Variants in CAMK1D observed in about 807,000 individuals in gnomAD.
CAMK1D encodes the protein calcium/calmodulin-dependent protein kinase type 1D.
A neutral mutation model predicts 47.7 loss-of-function variants in CAMK1D; 9 were observed. The observed-to-expected ratio is 0.19, with a 90% CI of 0.11 to 0.33. The LOEUF (loss-of-function observed/expected upper bound fraction) is 0.33, where lower values mean the gene tolerates loss of function less well. Among genes scored for constraint, CAMK1D ranks in the 10% least tolerant of loss-of-function variants. The pLI, the probability that CAMK1D is intolerant of heterozygous loss-of-function variation, is 1.00. For missense variants in CAMK1D, 291 were observed against 488.7 expected, an observed-to-expected ratio of 0.60 and a Z score of 3.81; for synonymous variants, 184 against 184.9, an observed-to-expected ratio of 0.99 and a Z score of 0.04.
chr10:12,525,820 T>C (rs1835603054), intron 1 of CAMK1D, among the ~76,000 whole-genome samples: 1 of 152,198 alleles, frequency 6.6e-6, no homozygotes, highest in South Asian at 2.1e-4. Context: ...TGTAGTGGCG[T>C]GATCTCCGCT....
chr10:12,481,219 A>C (rs1180885060), intron 1 of CAMK1D, among the ~76,000 whole-genome samples: 1 of 152,146 alleles, frequency 6.6e-6, no homozygotes, highest in Non-Finnish European at 1.5e-5. Flanking sequence ...GTTAGAACCC[A>C]AGATGGGCCT....
At chr10:12,355,336 T>C (rs968056788) in intron 1 of CAMK1D, among the ~76,000 whole-genome samples, 1 of 152,204 alleles carries the variant, frequency 6.6e-6, no homozygotes, top group African/African-American at 2.4e-5. Flanking sequence ...TCTCACACTA[T>C]GCTACTTATT....
chr10:12,825,777 C>A (rs780484511), intron 10 of CAMK1D, 87 bp downstream of exon 10: 2 of 1,593,074 alleles, frequency 1.3e-6, no homozygotes, highest in South Asian at 1.1e-5. Flanking sequence ...CTGCCGAGCA[C>A]CTCCTGTTTG....
intron 1 of CAMK1D, among the ~76,000 whole-genome samples, chr10:12,505,228 C>T (rs976067120): frequency 5.3e-5 from 8 of 152,156 alleles, no homozygotes; most frequent in South Asian, 2.1e-4. Flanking sequence ...TTGGAGGCCA[C>T]GTTGGCCATG....
intron 8 of CAMK1D, among the ~76,000 whole-genome samples, chr10:12,819,484 G>A (rs1038533744): frequency 3.3e-5 from 5 of 152,346 alleles, no homozygotes; most frequent in African/African-American, 7.2e-5. Context: ...CACTGCCCGT[G>A]TGGATGAGCT....
chr10:12,686,668 A>C (rs140972672), intron 3 of CAMK1D, among the ~76,000 whole-genome samples: 244 of 152,246 alleles, frequency 1.6e-3, no homozygotes, highest in African/African-American at 5.3e-3. Flanking sequence ...ATATAGAAAC[A>C]TATCTGCTTA....
At chr10:12,727,532 A>G (rs1834699958) in intron 3 of CAMK1D, among the ~76,000 whole-genome samples, 1 of 152,266 alleles carries the variant, frequency 6.6e-6, no homozygotes, top group South Asian at 2.1e-4. Flanking sequence ...TAAAACATTC[A>G]GAGGCATAAG....
chr10:12,809,538 T>C (rs967319589), intron 6 of CAMK1D, among the ~76,000 whole-genome samples: 5 of 152,260 alleles, frequency 3.3e-5, no homozygotes, highest in African/African-American at 1.2e-4. Context: ...AATGGAATGC[T>C]ATTCAGCCTT....
intron 4 of CAMK1D, among the ~76,000 whole-genome samples, chr10:12,768,559 A>T (rs185512571): frequency 3.2e-3 from 480 of 152,284 alleles, no homozygotes; most frequent in Non-Finnish European, 5.8e-3. Context: ...GACAGAAACG[A>T]TTCCTCATTC....
At chr10:12,689,606 A>C (rs1450016770) in intron 3 of CAMK1D, among the ~76,000 whole-genome samples, 2 of 152,016 alleles carry the variant, frequency 1.3e-5, no homozygotes, top group Non-Finnish European at 2.9e-5. Flanking sequence ...GTGAAACCCC[A>C]TCTCTACTAA....
rs370715139 is a variant in CAMK1D, at chr10:12,451,042, G to C, written c.92+101132G>C. 2.6e-5 allele frequency among the ~76,000 whole-genome samples: 4 copies of C among 152,194 alleles called. No individual in the cohort carries two copies. In the South Asian group the frequency reaches 6.2e-4, roughly 24 times the overall value. ...CGGTGCTGGGTGTCTGCCATGGGCCGGGGAGTGAGGAGAACCATTCTTTCC... is the reference window on the plus strand; with the variant it reads ...CGGTGCTGGGTGTCTGCCATGGGCCCGGGAGTGAGGAGAACCATTCTTTCC... On this transcript the variant is annotated intron_variant, in intron 1 of 10. Transcript: ENST00000619168.
At chr10:12,532,513 T>C (rs1180168709) in intron 1 of CAMK1D, among the ~76,000 whole-genome samples, 1 of 152,188 alleles carries the variant, frequency 6.6e-6, no homozygotes, top group Non-Finnish European at 1.5e-5. Flanking sequence ...TCTCCTGACC[T>C]CGTGATCCGT....
chr10:12,805,276 A>G (rs932600246), intron 6 of CAMK1D, among the ~76,000 whole-genome samples: 3 of 151,862 alleles, frequency 2.0e-5, no homozygotes, highest in Non-Finnish European at 4.4e-5. Flanking sequence ...AATACTAGAT[A>G]TAGCACAGTC....
intron 1 of CAMK1D, among the ~76,000 whole-genome samples, chr10:12,383,561 C>G (rs187995841): frequency 6.6e-6 from 1 of 152,088 alleles, no homozygotes; most frequent in East Asian, 1.9e-4. Flanking sequence ...CAGAATTACT[C>G]GAGCTTGTTA....
At chr10:12,398,492 G>A (rs1839049649) in intron 1 of CAMK1D, among the ~76,000 whole-genome samples, 1 of 152,124 alleles carries the variant, frequency 6.6e-6, no homozygotes, top group African/African-American at 2.4e-5. Context: ...GGGATTACAG[G>A]TGCCTGCCAC....
intron 1 of CAMK1D, among the ~76,000 whole-genome samples, chr10:12,439,709 T>C (rs1484759993): frequency 1.3e-5 from 2 of 152,206 alleles, no homozygotes; most frequent in African/African-American, 4.8e-5. Context: ...GATTTTGTTT[T>C]TCTAAATAAA....
chr10:12,811,726 C>T (rs944678522), intron 6 of CAMK1D, among the ~76,000 whole-genome samples: 6 of 152,212 alleles, frequency 3.9e-5, no homozygotes, highest in Admixed American at 1.3e-4. Context: ...AAAACACACA[C>T]GGTTGTAAAT....
rs546971218 is a variant in CAMK1D, at chr10:12,779,776, G to T, written c.565+9977G>T. Among the ~76,000 whole-genome samples the T allele has an allele frequency of 2.7e-5, 4 of 150,092 alleles. No individual in the cohort carries two copies. In the East Asian group the frequency reaches 8.2e-4, roughly 31 times the overall value. ...TTATTCAGTGACAGTTCATCACCTA[G>T]CAGTATTTTATGTGGAGTGCACAAC... On this transcript the variant is annotated intron_variant, in intron 5 of 10. Coordinates refer to ENST00000619168, the MANE Select transcript of CAMK1D (RefSeq NM_153498.4).
chr10:12,460,264 T>C (rs934440106), intron 1 of CAMK1D, among the ~76,000 whole-genome samples: 3 of 151,024 alleles, frequency 2.0e-5, no homozygotes, highest in South Asian at 2.1e-4. Flanking sequence ...CTCTATTCTT[T>C]TTTTTTTTTT....
Sources: gnomAD v4.1 joint callset for allele counts (sites outside exome capture counted in the v4.1 genomes callset) on GRCh38, gnomAD v4.1.1 for gene constraint, MANE v1.5 for transcripts, NCBI Gene and HGNC (gene_info 2026-07-23, HGNC 2026-07-21) for gene names.